Variants in RRAGC observed in about 807,000 individuals in gnomAD.
The protein encoded by RRAGC is ras-related GTP-binding protein C.
In RRAGC, 8 loss-of-function variants were observed where a neutral mutation model predicts 37.1. The observed-to-expected ratio is 0.22, with a 90% CI of 0.13 to 0.39. The LOEUF (loss-of-function observed/expected upper bound fraction) is 0.39, where lower values mean the gene tolerates loss of function less well. RRAGC is among the 10% of genes least tolerant of loss of function. RRAGC has a pLI of 1.00. For synonymous variants in RRAGC, 190 were observed against 181.1 expected, an observed-to-expected ratio of 1.05 and a Z score of -0.39; for missense variants, 342 against 497.6, an observed-to-expected ratio of 0.69 and a Z score of 2.98.
intron 5 of RRAGC, among the ~76,000 whole-genome samples, chr1:38,848,986 C>T (rs1479024464): frequency 6.6e-6 from 1 of 151,860 alleles, no homozygotes; most frequent in Non-Finnish European, 1.5e-5. Context: ...AAAACTCAGC[C>T]AGGCATGATG....
intron 1 of RRAGC, among the ~76,000 whole-genome samples, chr1:38,857,420 A>C (rs1004259890): frequency 2.6e-5 from 4 of 152,240 alleles, no homozygotes; most frequent in African/African-American, 9.7e-5. Flanking sequence ...TTAAGATTAT[A>C]AAAGTCTTAC....
intron 6 of RRAGC, among the ~76,000 whole-genome samples, chr1:38,841,143 C>A (rs1053565079): frequency 2.0e-5 from 3 of 152,022 alleles, no homozygotes; most frequent in Admixed American, 6.5e-5. Flanking sequence ...TGAATCTGGG[C>A]AATGGATTAA....
chr1:38,847,359 C>T (rs1570863266), intron 5 of RRAGC: 1 of 152,160 alleles, frequency 6.6e-6, no homozygotes, highest in East Asian at 1.9e-4. Context: ...CCTGTAATCC[C>T]AGCACTTTGG....
At chr1:38,839,737 G>C in intron 6 of RRAGC, 33 bp from the exon 7 acceptor site, 2 of 1,601,084 alleles carry the variant, frequency 1.2e-6, no homozygotes, top group Non-Finnish European at 1.7e-6. Flanking sequence ...AATGCCTCCT[G>C]AATTGTCAAT....
intron 6 of RRAGC, among the ~76,000 whole-genome samples, chr1:38,840,499 C>T (rs1262580933): frequency 6.6e-6 from 1 of 152,130 alleles, no homozygotes; most frequent in Non-Finnish European, 1.5e-5. Flanking sequence ...AGCCAAAATA[C>T]AAGAAACAAA....
intron 3 of RRAGC, among the ~76,000 whole-genome samples, chr1:38,853,553 C>T (rs1157695684): frequency 6.6e-6 from 1 of 152,082 alleles, no homozygotes. Context: ...CGAGATCAGC[C>T]GGACCAACAT....
rs545710886 is a variant in RRAGC, at chr1:38,852,711, T to C, written c.642-223A>G. The C allele has an allele frequency of 1.3e-4, 39 of 297,902 alleles. 1 individual carries two copies. Among genetic ancestry groups the C allele is most frequent in the Non-Finnish European group, 1.7e-4 (27 of 162,946 alleles). The allele number at this position is 297,902 out of a possible 1,614,324, so 18.5% of individuals were successfully genotyped here. On this transcript the variant is annotated intron_variant, in intron 3 of 6. Transcript: ENST00000373001. ...ACACAGGGGGCAACTGAAGTAGTAC[T>C]GAGAAAAGGATTTTCAGGTACATAA...
intron 3 of RRAGC, chr1:38,852,794 T>A (rs561706292): frequency 2.4e-5 from 4 of 167,556 alleles, no homozygotes; most frequent in Non-Finnish European, 5.1e-5. Context: ...TTTAAGCACA[T>A]AACTGAGACC....
chr1:38,859,346 G>T, intron 1 of RRAGC, 64 bp downstream of exon 1: 1 of 1,434,380 alleles, frequency 7.0e-7, no homozygotes, highest in Non-Finnish European at 9.5e-7. Context: ...CCTCCCGGGC[G>T]TCCCCGCTAC....
In RRAGC at chr1:38,859,533, C is replaced by T. The variant is rs1190403740; in HGVS notation, c.114G>A (p.Ala38=). The T allele has an allele frequency of 1.9e-6, 3 of 1,548,158 alleles. No individual in the cohort carries two copies. Among genetic ancestry groups the T allele is most frequent in the South Asian group, 2.4e-5 (2 of 84,004 alleles). Residue 38 remains alanine (A), a synonymous_variant, in exon 1 of 7, where the codon GCG becomes GCA. Coordinates refer to ENST00000373001, the MANE Select transcript of RRAGC (RefSeq NM_022157.4). ...YGVEEEEEEA[A]AAGGGVGAGA... ...CTGCCCCAACCCCTCCGCCCGCCGC[C>T]GCCGCCTCCTCTTCCTCCTCCTCCA...
At chr1:38,842,227 G>A (rs926966280) in intron 6 of RRAGC, among the ~76,000 whole-genome samples, 2 of 152,084 alleles carry the variant, frequency 1.3e-5, no homozygotes, top group Admixed American at 1.3e-4. Context: ...AGCCGAGATC[G>A]CACCACTGCA....
chr1:38,855,786 T>A lies in RRAGC; in HGVS notation c.563A>T (p.Lys188Ile), dbSNP rs1642160395. ...ATGAATGTCCCTCTGTGTTTCTATT[T>A]TGTGATCATCAGACAGACCATCAAC... ...HKVDGLSDDH[K>I]IETQRDIHQR... Residue 188 changes from lysine to isoleucine, a missense_variant, in exon 3 of 7, where the codon AAA becomes ATA. Physicochemically the swap from Lys to Ile is moderately radical, Grantham distance 102. This residue lies in a region of RRAGC where 134 missense variants were observed against 277.2 expected (regional missense o/e 0.48). Transcript: ENST00000373001. 6.2e-7 allele frequency: 1 copy of A among 1,614,012 alleles called. No homozygotes were observed. Among genetic ancestry groups the A allele is most frequent in the Non-Finnish European group, 8.5e-7 (1 of 1,179,976 alleles).
Position 38,859,599 on chromosome 1 carries a change from G to A in RRAGC, c.48C>T (p.Tyr16=), listed in dbSNP as rs1291511255. The change falls in exon 1 of 7, where the codon TAC becomes TAT. Residue 16 remains tyrosine (Y), a synonymous_variant. Transcript: ENST00000373001. ...GAEETPLAGS[Y]GAADSFPKDF... Reference sequence around the variant, plus strand: ...CCTTTGGAAACGAATCGGCCGCGCCGTAACTGCCGGCGAGGGGCGTCTCCT... The same window carrying A: ...CCTTTGGAAACGAATCGGCCGCGCCATAACTGCCGGCGAGGGGCGTCTCCT... 1 of 1,565,320 alleles carries A rather than the reference G, an allele frequency of 6.4e-7. No homozygotes were observed. The highest frequency in any genetic ancestry group is 2.3e-5 in the East Asian group (1 of 42,756).
intron 1 of RRAGC, 147 bp downstream of exon 1, chr1:38,859,263 C>A (rs976437133): frequency 2.5e-6 from 2 of 796,180 alleles, no homozygotes; most frequent in Non-Finnish European, 3.9e-6. Flanking sequence ...CCCGCGCGGG[C>A]CGCGCCTGTG....
At chr1:38,856,298 A>T (rs1320076381) in intron 2 of RRAGC, among the ~76,000 whole-genome samples, 1 of 152,184 alleles carries the variant, frequency 6.6e-6, no homozygotes, top group Non-Finnish European at 1.5e-5. Context: ...AATATTGTGA[A>T]GCTTAAATTA....
rs1355502526 is a variant in RRAGC at position 38,859,675 on chromosome 1, T to C, written c.-29A>G. ...GCTGGAGCCGCCGCCGCCCGCGCCCTGACAGGCCAGGCCAGGCCGAGCCAG... is the reference window on the plus strand; with the variant it reads ...GCTGGAGCCGCCGCCGCCCGCGCCCCGACAGGCCAGGCCAGGCCGAGCCAG... On this transcript the variant is annotated 5_prime_UTR_variant, in exon 1 of 7. Coordinates refer to ENST00000373001, the MANE Select transcript of RRAGC (RefSeq NM_022157.4). The C allele has an allele frequency of 3.3e-6, 5 of 1,522,460 alleles. No homozygotes were observed. In the Admixed American group the frequency reaches 6.1e-5, roughly 18 times the overall value. The allele number at this position is 1,522,460 out of a possible 1,614,324, so 94.3% of individuals were successfully genotyped here.
intron 1 of RRAGC, 56 bp from the exon 2 acceptor site, chr1:38,857,138 A>T: frequency 1.4e-6 from 2 of 1,392,498 alleles, no homozygotes; most frequent in South Asian, 2.5e-5. Flanking sequence ...TTTAAATTTA[A>T]AATTCCACCC....
At chr1:38,854,506 G>C (rs1485873441) in intron 3 of RRAGC, among the ~76,000 whole-genome samples, 2 of 152,172 alleles carry the variant, frequency 1.3e-5, no homozygotes, top group Non-Finnish European at 2.9e-5. Context: ...AAGAGAATCA[G>C]AAGGATCCCC....
At chr1:38,849,871 A>T (rs1341340018) in intron 5 of RRAGC, among the ~76,000 whole-genome samples, 1 of 152,156 alleles carries the variant, frequency 6.6e-6, no homozygotes, top group Non-Finnish European at 1.5e-5. Context: ...AACTATCCTA[A>T]AATATATAAT....
Sources: gnomAD v4.1 joint callset for allele counts (sites outside exome capture counted in the v4.1 genomes callset) on GRCh38, gnomAD v4.1.1 for gene constraint, gnomAD v4.1.1 regional missense constraint, MANE v1.5 for transcripts, NCBI Gene and HGNC (gene_info 2026-07-23, HGNC 2026-07-21) for gene names.